Variants in KCNT2 observed in about 807,000 individuals in gnomAD.
KCNT2 encodes the protein potassium channel subfamily T member 2.
Under a neutral mutation model 153.8 loss-of-function variants are expected in KCNT2, and 67 were observed. The observed-to-expected ratio is 0.44, with a 90% CI of 0.36 to 0.53. The LOEUF is 0.53. KCNT2 is among the 20% of genes least tolerant of loss of function. The pLI, the probability that KCNT2 is intolerant of heterozygous loss-of-function variation, is 0.00. For missense variants in KCNT2, 975 were observed against 1,354.8 expected, an observed-to-expected ratio of 0.72 and a Z score of 4.40; for synonymous variants, 500 against 458.8, an observed-to-expected ratio of 1.09 and a Z score of -1.15.
At chr1:196,458,476 A>T (rs1160641320) in intron 8 of KCNT2, among the ~76,000 whole-genome samples, 1 of 151,920 alleles carries the variant, frequency 6.6e-6, no homozygotes, top group Non-Finnish European at 1.5e-5. Flanking sequence ...CTAAAACAAA[A>T]TTTAATTAGG....
intron 1 of KCNT2, among the ~76,000 whole-genome samples, chr1:196,509,738 TTAAG>T (rs1290019146): frequency 3.3e-5 from 5 of 152,160 alleles, no homozygotes; most frequent in African/African-American, 7.2e-5. Context: ...AGTTAATTAA[TTAAG>T]TAATGAAGTA....
intron 8 of KCNT2, among the ~76,000 whole-genome samples, chr1:196,461,120 C>T (rs1677113607): frequency 6.6e-6 from 1 of 151,704 alleles, no homozygotes; most frequent in South Asian, 2.1e-4. Context: ...AACTACAGTA[C>T]TTATCTTCTC....
intron 14 of KCNT2, among the ~76,000 whole-genome samples, chr1:196,366,926 T>C (rs1298000907): frequency 6.6e-6 from 1 of 152,172 alleles, no homozygotes; most frequent in East Asian, 1.9e-4. Context: ...TATAATATGA[T>C]TGAAAATTAA....
intron 1 of KCNT2, among the ~76,000 whole-genome samples, chr1:196,586,859 C>G (rs138991241): frequency 1.3e-5 from 2 of 152,026 alleles, no homozygotes; most frequent in Admixed American, 1.3e-4. Context: ...GAATAATAAT[C>G]ACAATATTTA....
chr1:196,340,703 G>A, intron 15 of KCNT2, 133 bp from the exon 16 acceptor site: 1 of 607,882 alleles, frequency 1.6e-6, no homozygotes, highest in South Asian at 2.5e-5. Flanking sequence ...CATTTTTACA[G>A]GAAAATAAAC....
chr1:196,320,980 T>C (rs1413482002), intron 19 of KCNT2, among the ~76,000 whole-genome samples: 1 of 150,422 alleles, frequency 6.6e-6, no homozygotes, highest in Non-Finnish European at 1.5e-5. Context: ...TATTTTCTTT[T>C]TTTTTTTTAA....
intron 1 of KCNT2, among the ~76,000 whole-genome samples, chr1:196,549,061 G>C (rs991282224): frequency 6.6e-6 from 1 of 152,034 alleles, no homozygotes; most frequent in African/African-American, 2.4e-5. Flanking sequence ...GCTAGATGAC[G>C]AGTTAGTGGG....
intron 8 of KCNT2, among the ~76,000 whole-genome samples, chr1:196,458,969 C>A (rs1311447558): frequency 6.6e-6 from 1 of 151,870 alleles, no homozygotes; most frequent in African/African-American, 2.4e-5. Context: ...TCAACTTGCA[C>A]TTTGGTATTT....
intron 10 of KCNT2, among the ~76,000 whole-genome samples, 169 bp downstream of exon 10, chr1:196,427,935 AT>A (rs1248155971): frequency 6.6e-6 from 1 of 151,512 alleles, no homozygotes; most frequent in Non-Finnish European, 1.5e-5. Context: ...TTCCTCCAGC[AT>A]TTTTTTTCTA....
rs576013034 is a variant in KCNT2, at chr1:196,286,079, G to T, written c.2596-321C>A. 4.0e-5 allele frequency among the ~76,000 whole-genome samples: 6 copies of T among 151,890 alleles called. No individual in the cohort carries two copies. The South Asian group carries it at 1.3e-3, about 32-fold the overall frequency. ...AAAAAAATGTGAAAAAAAAACTAAC[G>T]TCACACGATGTACCATAACACTGAA... On this transcript the variant is annotated intron_variant, in intron 22 of 27. Coordinates refer to ENST00000294725, the MANE Select transcript of KCNT2 (RefSeq NM_198503.5).
chr1:196,259,373 T>C (rs1656803516), intron 25 of KCNT2, among the ~76,000 whole-genome samples: 1 of 152,100 alleles, frequency 6.6e-6, no homozygotes, highest in Non-Finnish European at 1.5e-5. Flanking sequence ...CTTTTCATAC[T>C]AGGAAGTCAT....
At chr1:196,356,155 G>C (rs532504397) in intron 14 of KCNT2, among the ~76,000 whole-genome samples, 20 of 151,764 alleles carry the variant, frequency 1.3e-4, no homozygotes, top group African/African-American at 4.6e-4. Context: ...TCTCCATGTT[G>C]TCATTTGATT....
chr1:196,282,329 T>C lies in KCNT2; in HGVS notation c.2725A>G (p.Ile909Val), dbSNP rs528679102. The change falls in exon 24 of 28, where the codon ATC becomes GTC. Residue 909 changes from isoleucine to valine, a missense_variant. Ile to Val is a conservative substitution (Grantham distance 29, BLOSUM62 3). This residue lies in a region of KCNT2 where 241 missense variants were observed against 271.1 expected (regional missense o/e 0.89). Coordinates refer to ENST00000294725, the MANE Select transcript of KCNT2 (RefSeq NM_198503.5). Reference sequence around the variant, plus strand: ...TCCAGTCCCAACAGAAGTCTCGTGATAGAAATCATATAATCCTTCACAAAT... The same window carrying C: ...TCCAGTCCCAACAGAAGTCTCGTGACAGAAATCATATAATCCTTCACAAAT... ...QSFVKDYMIS[I>V]TRLLLGLDTT... 4.9e-5 allele frequency: 79 copies of C among 1,596,346 alleles called. No individual in the cohort carries two copies. In the South Asian group the frequency reaches 8.3e-4, roughly 17 times the overall value.
chr1:196,426,160 T>C (rs1206656121), intron 10 of KCNT2, among the ~76,000 whole-genome samples, 172 bp from the exon 11 acceptor site: 4 of 152,062 alleles, frequency 2.6e-5, no homozygotes, highest in African/African-American at 4.8e-5. Flanking sequence ...AATTACACTA[T>C]AATAAATACA....
intron 12 of KCNT2, among the ~76,000 whole-genome samples, chr1:196,405,693 G>A (rs555874774): frequency 8.6e-5 from 13 of 151,362 alleles, no homozygotes; most frequent in Non-Finnish European, 1.5e-4. Context: ...CTTTCCTTTC[G>A]ATTTTTAATT....
At chr1:196,381,610 T>G (rs907986931) in intron 13 of KCNT2, among the ~76,000 whole-genome samples, 16 of 152,112 alleles carry the variant, frequency 1.1e-4, no homozygotes, top group African/African-American at 3.6e-4. Context: ...CAAAGGACTC[T>G]ACAAAAGCTA....
chr1:196,282,112 T>A (rs191586132), intron 24 of KCNT2, among the ~76,000 whole-genome samples, 161 bp downstream of exon 24: 1 of 152,284 alleles, frequency 6.6e-6, no homozygotes, highest in East Asian at 1.9e-4. Context: ...AAATAATATG[T>A]TTTCCTTGAA....
chr1:196,307,274 G>C (rs1259978459), intron 21 of KCNT2, among the ~76,000 whole-genome samples: 1 of 151,982 alleles, frequency 6.6e-6, no homozygotes, highest in African/African-American at 2.4e-5. Flanking sequence ...AAATTTTTCT[G>C]ATGTTATTTC....
intron 18 of KCNT2, among the ~76,000 whole-genome samples, chr1:196,330,717 A>G (rs1369862236): frequency 6.6e-6 from 1 of 152,008 alleles, no homozygotes; most frequent in Non-Finnish European, 1.5e-5. Context: ...AGACTCTAAT[A>G]TGAGCTTTCA....
Sources: allele counts gnomAD v4.1 joint callset (sites outside exome capture counted in the v4.1 genomes callset), GRCh38; gene constraint gnomAD v4.1.1; regional missense constraint gnomAD v4.1.1; transcripts MANE v1.5; gene names NCBI Gene and HGNC (gene_info 2026-07-23, HGNC 2026-07-21).